Variants in LONP1 observed in about 807,000 individuals in gnomAD.
The protein encoded by LONP1 is lon protease homolog, mitochondrial.
In LONP1, 31 loss-of-function variants were observed where a neutral mutation model predicts 98.5. The ratio of observed to expected loss-of-function variants is 0.31; its 90% CI spans 0.24 to 0.42. LONP1 has a LOEUF of 0.42. Among genes scored for constraint, LONP1 ranks in the 20% least tolerant of loss-of-function variants. The pLI, the probability that LONP1 is intolerant of heterozygous loss-of-function variation, is 1.00. For synonymous variants in LONP1, 781 were observed against 594.7 expected, an observed-to-expected ratio of 1.31 and a Z score of -4.56; for missense variants, 1,336 against 1,350.6, an observed-to-expected ratio of 0.99 and a Z score of 0.17.
At chr19:5,718,287 G>C (rs1175009064) in intron 1 of LONP1, among the ~76,000 whole-genome samples, 3 of 152,024 alleles carry the variant, frequency 2.0e-5, no homozygotes, top group Non-Finnish European at 4.4e-5. Flanking sequence ...AGACGAGCGT[G>C]GGCAACATGG....
At chr19:5,697,221 C>T (rs376164012) in intron 10 of LONP1, among the ~76,000 whole-genome samples, 3 of 151,952 alleles carry the variant, frequency 2.0e-5, no homozygotes, top group African/African-American at 7.3e-5. Context: ...CCAGGCCCCA[C>T]GAGAGACAGT....
intron 5 of LONP1, 135 bp from the exon 6 acceptor site, chr19:5,707,961 G>A: frequency 1.0e-6 from 1 of 991,154 alleles, no homozygotes; most frequent in Admixed American, 2.7e-5. Context: ...CTCGCTGGGA[G>A]CCAGCTCTGC....
chr19:5,699,393 C>T (rs2086726283), intron 9 of LONP1, among the ~76,000 whole-genome samples, 188 bp from the exon 10 acceptor site: 1 of 152,134 alleles, frequency 6.6e-6, no homozygotes, highest in Non-Finnish European at 1.5e-5. Flanking sequence ...GACAAGGGCT[C>T]CATTTAACAA....
At chr19:5,715,564 C>G (rs1455760342) in intron 1 of LONP1, among the ~76,000 whole-genome samples, 1 of 137,842 alleles carries the variant, frequency 7.3e-6, no homozygotes, top group Non-Finnish European at 1.5e-5. Flanking sequence ...ATGGCGTGAA[C>G]CCGGGAGGCG....
rs765125145 is a variant in LONP1 at position 5,713,151 on chromosome 19, G to T, written c.621C>A (p.Ile207=). The T allele has an allele frequency of 3.1e-6, 5 of 1,613,628 alleles. No homozygotes were observed. In the Admixed American group the frequency reaches 8.3e-5, roughly 27 times the overall value. ...CCACCCACCTTCTGTGTCCCATGAC[G>T]ATCATGCGCAGCTTGTCCCCAAGGT... ...MQDLGDKLRM[I]VMGHRRVHIS... Residue 207 remains isoleucine (I), a synonymous_variant, in exon 3 of 18, where the codon ATC becomes ATA. Coordinates refer to ENST00000360614, the MANE Select transcript of LONP1 (RefSeq NM_004793.4).
chr19:5,720,335 C>T, upstream of LONP1: 4 of 770,056 alleles, frequency 5.2e-6, no homozygotes, highest in Non-Finnish European at 5.8e-6. Flanking sequence ...ACTTTATGCG[C>T]TGAAGGCCTT....
At chr19:5,697,784 T>G (rs2054967768) in intron 10 of LONP1, among the ~76,000 whole-genome samples, 1 of 151,930 alleles carries the variant, frequency 6.6e-6, no homozygotes, top group Non-Finnish European at 1.5e-5. Context: ...CCCAGAGACG[T>G]CAGCAGACGC....
In LONP1 at chr19:5,720,145, C is replaced by G; in HGVS notation, c.-13G>C. On this transcript the variant is annotated 5_prime_UTR_variant, in exon 1 of 18. Transcript: ENST00000360614. ...TGCTCGCCGCCATAGCCCGGCCATA[C>G]TGGCGGCTCACACAACTCGCGTCAT... The G allele has an allele frequency of 7.2e-7, 1 of 1,398,236 alleles. No individual in the cohort carries two copies. Among genetic ancestry groups the G allele is most frequent in the Admixed American group, 3.4e-5 (1 of 29,216 alleles). 86.6% of individuals were successfully genotyped at this position (1,398,236 alleles called of 1,614,324 possible). A position where few individuals can be genotyped will look rare whatever the true frequency, so the allele number is the denominator to read the frequency against.
chr19:5,702,247 G>A (rs1374660971), intron 8 of LONP1, among the ~76,000 whole-genome samples: 3 of 88,946 alleles, frequency 3.4e-5, no homozygotes, highest in East Asian at 2.5e-4. Flanking sequence ...GTCTGGGAGG[G>A]AGGTTGGGGG....
chr19:5,719,675 C>T, intron 1 of LONP1, 29 bp downstream of exon 1: 1 of 1,613,520 alleles, frequency 6.2e-7, no homozygotes, highest in Non-Finnish European at 8.5e-7. Context: ...AGGTGGGAAA[C>T]CTGAGGCCGA....
chr19:5,716,300 A>ATATATG (rs1568329236), intron 1 of LONP1, among the ~76,000 whole-genome samples: 12 of 118,652 alleles, frequency 1.0e-4, no homozygotes, highest in African/African-American at 3.8e-4. Flanking sequence ...ATATATATAT[A>ATATATG]GTAATGGCCC....
At chr19:5,695,982 C>T (rs1041740930) in intron 13 of LONP1, 72 bp downstream of exon 13, 116 of 1,365,086 alleles carry the variant, frequency 8.5e-5, no homozygotes, top group Middle Eastern at 4.0e-4. Flanking sequence ...CCCAGAGGCA[C>T]GGCCTCTGCA....
At chr19:5,694,285 G>C in intron 15 of LONP1, 102 bp downstream of exon 15, 1 of 1,485,494 alleles carries the variant, frequency 6.7e-7, no homozygotes, top group Non-Finnish European at 9.1e-7. Flanking sequence ...AGGCCGTTCA[G>C]AGCCACCTGA....
intron 15 of LONP1, 48 bp downstream of exon 15, chr19:5,694,339 G>A: frequency 6.2e-7 from 1 of 1,600,526 alleles, no homozygotes; most frequent in Non-Finnish European, 8.5e-7. Flanking sequence ...CTTGTTCTCG[G>A]GTAGAAATGG....
intron 4 of LONP1, 129 bp downstream of exon 4, chr19:5,711,642 T>C: frequency 1.4e-6 from 1 of 725,462 alleles, no homozygotes; most frequent in Non-Finnish European, 2.3e-6. Context: ...AGAATTGAGT[T>C]CCAGACAGGC....
At position 5,700,733 on chromosome 19, in the gene LONP1, G is replaced by C. The variant is rs577007907; in HGVS notation, c.1506+56C>G. The stretch of plus-strand genomic sequence containing the variant: ...AAATCTCAACCCACAGCACACAAGA[G>C]TCCTGGGCCCGGGCACCCACATGCA... On this transcript the variant is annotated intron_variant, in intron 9 of 17. Transcript: ENST00000360614. The C allele has an allele frequency of 1.2e-4, 200 of 1,605,374 alleles. 1 individual carries two copies. In the African/African-American group the frequency reaches 2.3e-3, roughly 18 times the overall value.
At position 5,719,912 on chromosome 19, in the gene LONP1, C is replaced by G. The variant is rs1337810762; in HGVS notation, c.221G>C (p.Arg74Pro). ...QWRGFWEASS[R>P]GGGAFSGGED... ...GCCCCCCGAGAATGCGCCTCCGCCG[C>G]GGCTGCTCGCTTCCCAAAACCCCCG... is the stretch of plus-strand genomic sequence containing the variant. Residue 74 changes from arginine to proline, a missense_variant, in exon 1 of 18, where the codon CGC (arginine) becomes CCC (proline). Transcript: ENST00000360614. 6.5e-7 allele frequency: 1 copy of G among 1,550,108 alleles called. No individual in the cohort carries two copies. Among genetic ancestry groups the G allele is most frequent in the Non-Finnish European group, 8.7e-7 (1 of 1,148,398 alleles).
chr19:5,716,819 A>G lies in LONP1; in HGVS notation c.430-2548T>C, dbSNP rs537664026. Among the ~76,000 whole-genome samples the G allele has an allele frequency of 5.9e-5, 9 of 152,260 alleles. No homozygotes were observed. In the East Asian group the frequency reaches 9.7e-4, roughly 16 times the overall value. On this transcript the variant is annotated intron_variant, in intron 1 of 17. Coordinates refer to ENST00000360614, the MANE Select transcript of LONP1 (RefSeq NM_004793.4). Reference sequence around the variant, plus strand: ...GGGAAGCAATTTTTTTTTAAGACAGAGTCTTGCTCTGTCGCCCAGGCTAGA... The same window carrying G: ...GGGAAGCAATTTTTTTTTAAGACAGGGTCTTGCTCTGTCGCCCAGGCTAGA...
chr19:5,713,275 G>C (rs2055266036), intron 2 of LONP1, 22 bp from the exon 3 acceptor site: 2 of 1,552,454 alleles, frequency 1.3e-6, no homozygotes, highest in Admixed American at 1.7e-5. Context: ...GAGCACAGAG[G>C]AATGTTGGAA....
Sources: allele counts gnomAD v4.1 joint callset (sites outside exome capture counted in the v4.1 genomes callset), GRCh38; gene constraint gnomAD v4.1.1; transcripts MANE v1.5; gene names NCBI Gene and HGNC (gene_info 2026-07-23, HGNC 2026-07-21).